ESR2: variants seen among roughly 807,000 people sequenced by gnomAD.
ESR2 encodes the protein estrogen receptor beta.
Under a neutral mutation model 49.6 loss-of-function variants are expected in ESR2, and 36 were observed. That is an observed-to-expected ratio of 0.73 (90% CI 0.56 to 0.96). ESR2 has a LOEUF of 0.96. Among genes scored for constraint, ESR2 ranks in the 40% least tolerant of loss-of-function variants. ESR2 has a pLI of 0.00. For synonymous variants in ESR2, 320 were observed against 266.1 expected (o/e 1.20, Z -1.97); for missense variants, 714 against 693.0 (o/e 1.03, Z -0.34).
chr14:64,311,245 C>T (rs1177757052), intron 1 of ESR2, among the ~76,000 whole-genome samples: 1 of 152,168 alleles, frequency 6.6e-6, no homozygotes, highest in Non-Finnish European at 1.5e-5. Context: ...ACTTATATTA[C>T]TTTACAAAAC....
At chr14:64,288,348 C>CTT (rs10560135) in intron 1 of ESR2, among the ~76,000 whole-genome samples, 5 of 131,362 alleles carry the variant, frequency 3.8e-5, no homozygotes, top group Admixed American at 7.5e-5. Flanking sequence ...AAAGACTACA[C>CTT]TTTTTTTTTT....
chr14:64,262,110 C>CTT (rs869146485), intron 4 of ESR2, among the ~76,000 whole-genome samples: 66 of 136,170 alleles, frequency 4.8e-4, no homozygotes, highest in South Asian at 3.6e-3. Context: ...TTTGGATTTA[C>CTT]TTTTTTTTTT....
intron 8 of ESR2, 100 bp from the exon 9 acceptor site, chr14:64,233,423 C>G: frequency 1.8e-6 from 2 of 1,128,720 alleles, no homozygotes; most frequent in South Asian, 2.8e-5. Flanking sequence ...GTCTACCCCA[C>G]CCCTAAACCC....
chr14:64,307,567 T>G (rs925960070), intron 1 of ESR2, among the ~76,000 whole-genome samples: 1 of 128,300 alleles, frequency 7.8e-6, no homozygotes, highest in South Asian at 2.5e-4. Context: ...CAGAGTCTCA[T>G]TCTGTCGCCC....
rs535308528 is a variant in ESR2 at position 64,320,434 on chromosome 14, A to T, written c.-91+17464T>A. Among the ~76,000 whole-genome samples the T allele has an allele frequency of 4.6e-5, 7 of 152,212 alleles. No homozygotes were observed. The East Asian group carries it at 1.4e-3, about 29-fold the overall frequency. On this transcript the variant is annotated intron_variant, in intron 1 of 8. Coordinates refer to the ESR2 transcript ENST00000358599. Reference sequence around the variant, plus strand: ...AAAGTTGTGGTTGCCAGAGGTTTGCAGGAGGAGGAAGGAATGAACAGATGG... The same window carrying T: ...AAAGTTGTGGTTGCCAGAGGTTTGCTGGAGGAGGAAGGAATGAACAGATGG...
chr14:64,300,929 C>A (rs2077014514), intron 1 of ESR2, among the ~76,000 whole-genome samples: 1 of 152,094 alleles, frequency 6.6e-6, no homozygotes, highest in Admixed American at 6.5e-5. Context: ...TGTTTGCTCA[C>A]AGATGATGAG....
intron 3 of ESR2, among the ~76,000 whole-genome samples, chr14:64,273,685 G>C (rs1311433625): frequency 2.0e-5 from 3 of 152,084 alleles, no homozygotes; most frequent in Non-Finnish European, 4.4e-5. Flanking sequence ...TTAACGTGTT[G>C]TTGCATTTGG....
intron 1 of ESR2, among the ~76,000 whole-genome samples, chr14:64,289,477 A>C (rs2076835813): frequency 6.6e-6 from 1 of 151,782 alleles, no homozygotes; most frequent in Non-Finnish European, 1.5e-5. Context: ...GTGCCATTAC[A>C]CTCCAGCCTG....
intron 1 of ESR2, chr14:64,336,766 T>G (rs530907869): frequency 1.5e-4 from 23 of 152,320 alleles, no homozygotes; most frequent in Admixed American, 2.6e-4. Flanking sequence ...AACTTATGAT[T>G]GTACCCCCAA....
At chr14:64,317,392 C>T (rs967994838) in intron 1 of ESR2, among the ~76,000 whole-genome samples, 1 of 152,198 alleles carries the variant, frequency 6.6e-6, no homozygotes, top group Non-Finnish European at 1.5e-5. Context: ...TCCAGTGAGG[C>T]CTCAGGAAGC....
chr14:64,247,857 G>A (rs1177440559), intron 7 of ESR2, among the ~76,000 whole-genome samples: 3 of 152,124 alleles, frequency 2.0e-5, no homozygotes, highest in Non-Finnish European at 4.4e-5. Context: ...AAGAGGAACT[G>A]GATATTTAAT....
In ESR2 at chr14:64,282,872, G is replaced by A. The variant is rs1367481028; in HGVS notation, c.114C>T (p.Asp38=). The A allele has an allele frequency of 3.1e-6, 5 of 1,614,110 alleles. No homozygotes were observed. The highest frequency in any genetic ancestry group is 1.3e-5 in the African/African-American group (1 of 74,940). ...TCATGGCTGGATATTCATGGTGGCT[G>A]TCTACATAGGAGGAAGGTATGTATA... ...GSIYIPSSYV[D]SHHEYPAMTF... is the part of the protein sequence containing the mutation. The change falls in exon 2 of 9, where the codon GAC becomes GAT. Residue 38 remains aspartate, a synonymous_variant. Coordinates refer to ENST00000341099, the MANE Select transcript of ESR2 (RefSeq NM_001437.3).
At chr14:64,233,597 T>C in intron 8 of ESR2, 1 of 404,610 alleles carries the variant, frequency 2.5e-6, no homozygotes, top group African/African-American at 2.0e-5. Context: ...GGTAATTATG[T>C]TCCGTAAAGT....
intron 2 of ESR2, among the ~76,000 whole-genome samples, chr14:64,282,200 C>A (rs1444432852): frequency 6.6e-6 from 1 of 152,122 alleles, no homozygotes; most frequent in Non-Finnish European, 1.5e-5. Context: ...AAAAAATGAG[C>A]TGGGCGTGGT....
chr14:64,282,017 T>C (rs967690658), intron 2 of ESR2, among the ~76,000 whole-genome samples: 3 of 152,212 alleles, frequency 2.0e-5, no homozygotes, highest in African/African-American at 7.2e-5. Flanking sequence ...TAAAAATTCA[T>C]TTTTCAAATC....
chr14:64,234,423 C>G (rs17101732), intron 8 of ESR2: 14,784 of 155,834 alleles, frequency 0.095, 1,040 homozygotes, highest in African/African-American at 0.2. Context: ...CACACAATTA[C>G]GTTTCCTGAT....
intron 7 of ESR2, among the ~76,000 whole-genome samples, chr14:64,241,829 C>A (rs1208046403): frequency 6.6e-6 from 1 of 152,156 alleles, no homozygotes; most frequent in Non-Finnish European, 1.5e-5. Flanking sequence ...TACATAGATT[C>A]TCATGTTTTT....
intron 1 of ESR2, chr14:64,335,796 C>CTTTTTTTTTTTTTTTTTTTT (rs1567810241): frequency 6.9e-6 from 1 of 144,650 alleles, no homozygotes; most frequent in African/African-American, 2.5e-5. Flanking sequence ...GTGATAAACA[C>CTTTTTTTTTTTTTTTTTTTT]CTTTTTTTTT....
At chr14:64,282,532 C>T in intron 2 of ESR2, 92 bp downstream of exon 2, 1 of 1,320,956 alleles carries the variant, frequency 7.6e-7, no homozygotes, top group Non-Finnish European at 1.0e-6. Context: ...ACAATAAAGA[C>T]CTTGTCTAAC....
Sources: gnomAD v4.1 joint callset for allele counts (sites outside exome capture counted in the v4.1 genomes callset) on GRCh38, gnomAD v4.1.1 for gene constraint, MANE v1.5 for transcripts, NCBI Gene and HGNC (gene_info 2026-07-23, HGNC 2026-07-21) for gene names.